Variants in ARID4B observed in about 807,000 individuals in gnomAD.
ARID4B encodes the protein AT-rich interactive domain-containing protein 4B.
Under a neutral mutation model 147.5 loss-of-function variants are expected in ARID4B, and 26 were observed. That is an observed-to-expected ratio of 0.18 (90% CI 0.13 to 0.24). ARID4B has a LOEUF of 0.24. Among genes scored for constraint, ARID4B ranks in the 10% least tolerant of loss-of-function variants. The pLI is 1.00. For synonymous variants in ARID4B, 512 were observed against 507.9 expected, an observed-to-expected ratio of 1.01 and a Z score of -0.11; for missense variants, 1,179 against 1,511.5, an observed-to-expected ratio of 0.78 and a Z score of 3.65.
intron 16 of ARID4B, among the ~76,000 whole-genome samples, chr1:235,217,709 A>G (rs986598167): frequency 1.1e-4 from 17 of 152,224 alleles, no homozygotes; most frequent in East Asian, 5.8e-4. Flanking sequence ...ACAATGGAAG[A>G]AGGACACTGA....
At chr1:235,294,265 G>A (rs1317238) in intron 2 of ARID4B, among the ~76,000 whole-genome samples, 43,670 of 147,632 alleles carry the variant, frequency 0.3, 7,513 homozygotes, top group South Asian at 0.54. Context: ...TACCTCTTTC[G>A]TTACTGATAG....
At chr1:235,290,859 G>A (rs915359834) in intron 2 of ARID4B, among the ~76,000 whole-genome samples, 12 of 152,238 alleles carry the variant, frequency 7.9e-5, no homozygotes, top group African/African-American at 2.7e-4. Context: ...AGCTTCAGGA[G>A]GCCAAGTGGC....
intron 2 of ARID4B, among the ~76,000 whole-genome samples, chr1:235,308,110 G>A (rs1244342475): frequency 2.6e-4 from 31 of 119,256 alleles, no homozygotes; most frequent in African/African-American, 8.1e-4. Flanking sequence ...TTTTTTGGAG[G>A]GGGACAGAGT....
At chr1:235,233,907 C>A (rs778298193) in intron 9 of ARID4B, among the ~76,000 whole-genome samples, 20 of 152,078 alleles carry the variant, frequency 1.3e-4, no homozygotes, top group African/African-American at 4.3e-4. Context: ...AGTGAATCCC[C>A]GTCTCTATTA....
chr1:235,210,329 T>C (rs1666633599), intron 17 of ARID4B, among the ~76,000 whole-genome samples: 1 of 152,052 alleles, frequency 6.6e-6, no homozygotes, highest in Non-Finnish European at 1.5e-5. Flanking sequence ...TGACTACCAC[T>C]GAAGATAAAA....
chr1:235,210,590 G>A (rs1008876555), intron 17 of ARID4B, among the ~76,000 whole-genome samples: 2 of 152,110 alleles, frequency 1.3e-5, no homozygotes, highest in Non-Finnish European at 2.9e-5. Context: ...TTAACTCTAA[G>A]AAGATTAACT....
At position 235,177,882 on chromosome 1, in the gene ARID4B, A is replaced by G. The variant is rs1383814353; in HGVS notation, c.3366T>C (p.Ala1122=). ...ACTGQKRVKD[A]QGGGSSSKKQ... is the part of the protein sequence containing the mutation. ...TTTTTGATGAACTTCCTCCTCCCTG[A>G]GCATCTTTCACTCTTTTCTGACCTG... Residue 1122 remains alanine, a synonymous_variant, in exon 21 of 24, where the codon GCT becomes GCC. Transcript: ENST00000264183. The G allele has an allele frequency of 6.2e-7, 1 of 1,611,042 alleles. No individual in the cohort carries two copies. Among genetic ancestry groups the G allele is most frequent in the African/African-American group, 1.3e-5 (1 of 74,946 alleles).
In ARID4B at chr1:235,189,262, C is replaced by T. The variant is rs554075873; in HGVS notation, c.2125+4751G>A. Among the ~76,000 whole-genome samples, 41 of 151,314 alleles carry T rather than the reference C, an allele frequency of 2.7e-4. No homozygotes were observed. The South Asian group carries it at 3.6e-3, about 13-fold the overall frequency. ...AAAAATACAAAAAATTAGCTGGGTGCGGTGGCAGGCGCCTGTAATACCAGC... is the reference window on the plus strand; with the variant it reads ...AAAAATACAAAAAATTAGCTGGGTGTGGTGGCAGGCGCCTGTAATACCAGC... On this transcript the variant is annotated intron_variant, in intron 19 of 23. Coordinates refer to ENST00000264183, the MANE Select transcript of ARID4B (RefSeq NM_016374.6).
At chr1:235,192,500 A>G (rs1665180638) in intron 19 of ARID4B, among the ~76,000 whole-genome samples, 1 of 152,218 alleles carries the variant, frequency 6.6e-6, no homozygotes, top group Non-Finnish European at 1.5e-5. Context: ...ATATTGCCCT[A>G]ATTAGTACAG....
chr1:235,251,426 C>G (rs1434928156), intron 6 of ARID4B, among the ~76,000 whole-genome samples: 1 of 151,866 alleles, frequency 6.6e-6, no homozygotes, highest in African/African-American at 2.4e-5. Context: ...GGCAGAAGTA[C>G]AGGGAAGTGG....
chr1:235,250,225 G>C (rs1004626018), intron 6 of ARID4B, among the ~76,000 whole-genome samples: 1 of 152,178 alleles, frequency 6.6e-6, no homozygotes, highest in African/African-American at 2.4e-5. Flanking sequence ...ATTAATTTCA[G>C]TAGTTTATTA....
chr1:235,175,220 G>A lies in ARID4B; in HGVS notation c.3628C>T (p.Arg1210Ter). 6.2e-7 allele frequency: 1 copy of A among 1,614,092 alleles called. No homozygotes were observed. Among genetic ancestry groups the A allele is most frequent in the Non-Finnish European group, 8.5e-7 (1 of 1,180,018 alleles). Residue 1210 changes from arginine (R) to a stop codon, truncating the protein, a stop_gained, in exon 22 of 24, where the codon CGA becomes TGA. Coordinates refer to ENST00000264183, the MANE Select transcript of ARID4B (RefSeq NM_016374.6). LOFTEE classifies it high-confidence loss of function. ...KDPDLKEPSNRLPKVYKWSFQ... is the reference protein window; with the variant it reads ...KDPDLKEPSN Reference sequence around the variant, plus strand: ...CTCCATTTGTAAACTTTGGGTAATCGATTACTGGGTTCCTTGAGATCAGGA... The same window carrying A: ...CTCCATTTGTAAACTTTGGGTAATCAATTACTGGGTTCCTTGAGATCAGGA...
intron 23 of ARID4B, among the ~76,000 whole-genome samples, chr1:235,171,169 T>A (rs1394237254): frequency 6.6e-6 from 1 of 152,022 alleles, no homozygotes; most frequent in African/African-American, 2.4e-5. Context: ...CAGTGGCTCA[T>A]GCCTGTAATC....
At chr1:235,242,256 A>T (rs2103075112) in intron 7 of ARID4B, among the ~76,000 whole-genome samples, 1 of 152,276 alleles carries the variant, frequency 6.6e-6, no homozygotes, top group South Asian at 2.1e-4. Context: ...TCAAAAAAAA[A>T]AAAAAAGATG....
chr1:235,196,080 C>T lies in ARID4B; in HGVS notation c.1877G>A (p.Arg626Lys), dbSNP rs1366582541. 1.3e-6 allele frequency: 2 copies of T among 1,598,080 alleles called. No homozygotes were observed. Among genetic ancestry groups the T allele is most frequent in the Non-Finnish European group, 1.7e-6 (2 of 1,172,340 alleles). Residue 626 changes from arginine (R) to lysine (K), a missense_variant, in exon 18 of 24, where the codon AGA becomes AAA. By Grantham distance (26) the Arg-to-Lys change is conservative. This residue lies in a region of ARID4B where 321 missense variants were observed against 342.4 expected (regional missense o/e 0.94). Coordinates refer to ENST00000264183, the MANE Select transcript of ARID4B (RefSeq NM_016374.6). ...DEWIKADKIVRPADKNVPKIK... is the reference protein window; with the variant it reads ...DEWIKADKIVKPADKNVPKIK... ...CTTTGGCACATTTTTATCAGCAGGTCTTACTATTTTATCTGCTTTAATCCA... is the reference window on the plus strand; with the variant it reads ...CTTTGGCACATTTTTATCAGCAGGTTTTACTATTTTATCTGCTTTAATCCA...
chr1:235,181,382 G>A (rs1280878754), intron 20 of ARID4B: 3 of 774,550 alleles, frequency 3.9e-6, no homozygotes, highest in Non-Finnish European at 2.0e-6. Flanking sequence ...GATGGCTCAA[G>A]CAAAGCACAT....
chr1:235,299,108 G>C (rs1007220800), intron 2 of ARID4B, among the ~76,000 whole-genome samples: 4 of 152,170 alleles, frequency 2.6e-5, no homozygotes, highest in Non-Finnish European at 4.4e-5. Flanking sequence ...CAGTCTTACT[G>C]TAAGTCTCTC....
chr1:235,242,399 G>A (rs549225619), intron 7 of ARID4B, among the ~76,000 whole-genome samples: 3 of 152,238 alleles, frequency 2.0e-5, no homozygotes, highest in East Asian at 1.9e-4. Context: ...GGACAGTAAC[G>A]ACAGTCCTCA....
chr1:235,220,505 T>C lies in ARID4B; in HGVS notation c.1204A>G (p.Ile402Val), dbSNP rs775434957. 2 of 1,612,500 alleles carry C rather than the reference T, an allele frequency of 1.2e-6. No homozygotes were observed. Among genetic ancestry groups the C allele is most frequent in the African/African-American group, 1.3e-5 (1 of 75,018 alleles). The change falls in exon 15 of 24, where the codon ATT becomes GTT. Residue 402 changes from isoleucine to valine, a missense_variant. By Grantham distance (29) the Ile-to-Val change is conservative. Coordinates refer to ENST00000264183, the MANE Select transcript of ARID4B (RefSeq NM_016374.6). Reference protein sequence around the residue: ...GFEEYCRSANIEFQMALPEKV... With the variant: ...GFEEYCRSANVEFQMALPEKV... ...TCTGGCAATGCCATCTGAAATTCAATGTTGGCTGATCTACAGTACTCCTCA... is the reference window on the plus strand; with the variant it reads ...TCTGGCAATGCCATCTGAAATTCAACGTTGGCTGATCTACAGTACTCCTCA...
Sources: gnomAD v4.1 joint callset for allele counts (sites outside exome capture counted in the v4.1 genomes callset) on GRCh38, gnomAD v4.1.1 for gene constraint, gnomAD v4.1.1 regional missense constraint, MANE v1.5 for transcripts, NCBI Gene and HGNC (gene_info 2026-07-23, HGNC 2026-07-21) for gene names.